The following NRG1 variants were observed in gnomAD, a reference collection of about 807,000 sequenced individuals.
The protein encoded by NRG1 is neuregulin 1.
Under a neutral mutation model 63.8 loss-of-function variants are expected in NRG1, and 18 were observed. The ratio of observed to expected loss-of-function variants is 0.28; its 90% CI spans 0.19 to 0.42. NRG1 has a LOEUF of 0.42. Ranked by LOEUF, NRG1 falls within the 10% of genes least tolerant of loss-of-function variation. The probability of loss-of-function intolerance (pLI) is 1.00; values close to 1 mark genes in which losing one functional copy is unlikely to be tolerated. For synonymous variants in NRG1, 302 were observed against 301.3 expected, an observed-to-expected ratio of 1.00 and a Z score of -0.02; for missense variants, 762 against 814.7, an observed-to-expected ratio of 0.94 and a Z score of 0.79.
At chr8:32,224,638 G>A (rs552625997) in intron 1 of NRG1, among the ~76,000 whole-genome samples, 38 of 152,314 alleles carry the variant, frequency 2.5e-4, no homozygotes, top group African/African-American at 8.9e-4. Flanking sequence ...CAGTGATGGT[G>A]CAAATAATCC....
At chr8:32,514,625 T>G (rs1235340997) in intron 1 of NRG1, among the ~76,000 whole-genome samples, 2 of 151,642 alleles carry the variant, frequency 1.3e-5, no homozygotes, top group Admixed American at 6.6e-5. Flanking sequence ...TTTTTGTTTT[T>G]AATACAAAAA....
chr8:32,518,693 T>C (rs1830061910), intron 1 of NRG1, among the ~76,000 whole-genome samples: 1 of 152,070 alleles, frequency 6.6e-6, no homozygotes, highest in South Asian at 2.1e-4. Flanking sequence ...TTCACAGACA[T>C]AAGATTTCAT....
intron 1 of NRG1, among the ~76,000 whole-genome samples, chr8:31,936,746 TACA>T (rs1470511379): frequency 2.0e-5 from 3 of 152,154 alleles, no homozygotes; most frequent in Non-Finnish European, 4.4e-5. Flanking sequence ...ACGTACAGAG[TACA>T]ACAAGATACT....
intron 1 of NRG1, among the ~76,000 whole-genome samples, chr8:31,858,427 T>C (rs1411831933): frequency 6.6e-6 from 1 of 151,952 alleles, no homozygotes; most frequent in East Asian, 1.9e-4. Flanking sequence ...TGAGAGAAAA[T>C]TAAAAAATCA....
intron 2 of NRG1, among the ~76,000 whole-genome samples, chr8:32,599,656 T>C (rs1378676739): frequency 6.6e-6 from 1 of 152,204 alleles, no homozygotes; most frequent in Non-Finnish European, 1.5e-5. Context: ...TGTTCTTGTT[T>C]TCTTTGATTG....
intron 1 of NRG1, among the ~76,000 whole-genome samples, chr8:32,430,748 T>C (rs943876401): frequency 2.6e-5 from 4 of 152,028 alleles, no homozygotes; most frequent in Non-Finnish European, 5.9e-5. Flanking sequence ...CAAACATTTA[T>C]GGTCTGATTA....
intron 1 of NRG1, among the ~76,000 whole-genome samples, chr8:32,310,536 A>C (rs1183717348): frequency 6.6e-6 from 1 of 152,252 alleles, no homozygotes; most frequent in African/African-American, 2.4e-5. Flanking sequence ...AAATAAGCCA[A>C]CATAGATGCC....
At chr8:32,446,901 C>A (rs932640199) in intron 1 of NRG1, among the ~76,000 whole-genome samples, 18 of 152,214 alleles carry the variant, frequency 1.2e-4, no homozygotes, top group African/African-American at 2.2e-4. Context: ...ACAATATAAA[C>A]CTCAGCACTA....
intron 5 of NRG1, among the ~76,000 whole-genome samples, chr8:32,652,368 C>T (rs1855320506): frequency 6.6e-6 from 1 of 152,096 alleles, no homozygotes. Flanking sequence ...CATGGGTTGC[C>T]TAGGGTGAGT....
intron 1 of NRG1, among the ~76,000 whole-genome samples, chr8:32,364,957 C>CTTTTTTTTTTTTTTTTTTTTTTTTT: frequency 9.2e-6 from 1 of 108,462 alleles, no homozygotes; most frequent in Non-Finnish European, 1.8e-5. Context: ...CCCTTTACTA[C>CTTTTTTTTTTTTTTTTTTTTTTTTT]TTTTTTTTTT....
chr8:32,340,044 G>A (rs1041319110), intron 1 of NRG1, among the ~76,000 whole-genome samples: 2 of 152,078 alleles, frequency 1.3e-5, no homozygotes, highest in African/African-American at 2.4e-5. Context: ...GGGGTAAGGT[G>A]GGAGTGGTTC....
At chr8:31,650,353 T>C (rs1401636057) in intron 1 of NRG1, among the ~76,000 whole-genome samples, 1 of 152,160 alleles carries the variant, frequency 6.6e-6, no homozygotes, top group Non-Finnish European at 1.5e-5. Flanking sequence ...ACTCAAGATC[T>C]CAACATTCAA....
At chr8:32,112,983 A>G (rs112004563) in intron 1 of NRG1, among the ~76,000 whole-genome samples, 30 of 152,306 alleles carry the variant, frequency 2.0e-4, no homozygotes, top group African/African-American at 6.5e-4. Context: ...TACTAAATGA[A>G]AATTGGGACC....
intron 1 of NRG1, among the ~76,000 whole-genome samples, chr8:32,115,692 G>A (rs1001115865): frequency 2.0e-5 from 3 of 152,116 alleles, no homozygotes; most frequent in African/African-American, 7.2e-5. Flanking sequence ...GCTATATTGA[G>A]TACTTTATAC....
At chr8:32,567,674 T>C (rs771323692) in intron 1 of NRG1, among the ~76,000 whole-genome samples, 1 of 152,244 alleles carries the variant, frequency 6.6e-6, no homozygotes, top group Non-Finnish European at 1.5e-5. Flanking sequence ...TTGTGTTTTA[T>C]TGCCCTGGCA....
intron 1 of NRG1, among the ~76,000 whole-genome samples, chr8:31,904,785 C>A (rs1319227848): frequency 6.6e-6 from 1 of 152,012 alleles, no homozygotes; most frequent in East Asian, 1.9e-4. Flanking sequence ...AACAGAAAAC[C>A]AAATGCTGAA....
chr8:32,459,390 C>T (rs933113687), intron 1 of NRG1, among the ~76,000 whole-genome samples: 5 of 152,058 alleles, frequency 3.3e-5, no homozygotes, highest in African/African-American at 4.8e-5. Flanking sequence ...CATAGTTTAG[C>T]GGTAGTTTTT....
chr8:31,925,296 T>C, intron 1 of NRG1, among the ~76,000 whole-genome samples: 1 of 151,478 alleles, frequency 6.6e-6, no homozygotes, highest in South Asian at 2.1e-4. Flanking sequence ...ATTAAGAATG[T>C]TTGTATATTT....
At chr8:31,842,893 G>A (rs1297041996) in intron 1 of NRG1, among the ~76,000 whole-genome samples, 2 of 152,252 alleles carry the variant, frequency 1.3e-5, no homozygotes, top group East Asian at 1.9e-4. Context: ...TGGACCAGCA[G>A]CTGTCTTAAT....
Sources: gnomAD v4.1 joint callset for allele counts (sites outside exome capture counted in the v4.1 genomes callset) on GRCh38, gnomAD v4.1.1 for gene constraint, MANE v1.5 for transcripts, NCBI Gene and HGNC (gene_info 2026-07-23, HGNC 2026-07-21) for gene names.